Variants in NKAIN2 observed in about 807,000 individuals in gnomAD.
NKAIN2 encodes the protein sodium/potassium transporting ATPase interacting 2, also known as sodium/potassium-transporting ATPase subunit beta-1-interacting protein 2.
Under a neutral mutation model 32.6 loss-of-function variants are expected in NKAIN2, and 14 were observed. The ratio of observed to expected loss-of-function variants is 0.43; its 90% CI spans 0.28 to 0.67. NKAIN2 has a LOEUF of 0.67. Ranked by LOEUF, NKAIN2 falls within the 30% of genes least tolerant of loss-of-function variation. NKAIN2 has a pLI of 0.17. For missense variants in NKAIN2, 198 were observed against 258.3 expected (o/e 0.77, Z 1.60); for synonymous variants, 80 against 87.2 (o/e 0.92, Z 0.46).
At chr6:124,716,563 C>CTTAGTTATA (rs1775766250) in intron 4 of NKAIN2, among the ~76,000 whole-genome samples, 1 of 152,162 alleles carries the variant, frequency 6.6e-6, no homozygotes, top group Non-Finnish European at 1.5e-5. Flanking sequence ...CCTACAGTGG[C>CTTAGTTATA]TCCTAATATC....
At chr6:124,137,978 C>G (rs187855284) in intron 1 of NKAIN2, among the ~76,000 whole-genome samples, 34 of 152,082 alleles carry the variant, frequency 2.2e-4, no homozygotes, top group Middle Eastern at 3.4e-3. Context: ...ACCCAGAGCC[C>G]AAAAGCAAAT....
At chr6:124,795,023 A>G (rs77425561) in intron 5 of NKAIN2, 5,990 of 158,462 alleles carry the variant, frequency 0.038, 148 homozygotes, top group Middle Eastern at 0.087. Flanking sequence ...GTACATGTAA[A>G]CACTGAGAGG....
intron 1 of NKAIN2, among the ~76,000 whole-genome samples, chr6:124,234,178 T>C (rs1792616037): frequency 6.6e-6 from 1 of 152,196 alleles, no homozygotes; most frequent in Non-Finnish European, 1.5e-5. Flanking sequence ...ACCATTTTTG[T>C]CTCTAAAGCA....
At chr6:124,185,633 C>G (rs1789678861) in intron 1 of NKAIN2, among the ~76,000 whole-genome samples, 1 of 152,162 alleles carries the variant, frequency 6.6e-6, no homozygotes, top group African/African-American at 2.4e-5. Flanking sequence ...TAGAAGTCCT[C>G]TCCCTTCAAA....
At chr6:124,002,057 A>G (rs1779898618) in intron 1 of NKAIN2, among the ~76,000 whole-genome samples, 1 of 152,026 alleles carries the variant, frequency 6.6e-6, no homozygotes, top group Non-Finnish European at 1.5e-5. Flanking sequence ...CATATGCTGA[A>G]GCAAATTCTA....
intron 4 of NKAIN2, among the ~76,000 whole-genome samples, chr6:124,738,588 G>A (rs951889317): frequency 3.3e-5 from 5 of 151,792 alleles, no homozygotes; most frequent in Non-Finnish European, 5.9e-5. Flanking sequence ...CATAGACCAT[G>A]TGACTATTGC....
At chr6:124,659,561 C>T (rs2114431780) in intron 4 of NKAIN2, among the ~76,000 whole-genome samples, 1 of 152,162 alleles carries the variant, frequency 6.6e-6, no homozygotes, top group Middle Eastern at 3.4e-3. Flanking sequence ...TTAGTAAACA[C>T]TTCCAAATTC....
chr6:123,979,138 T>C (rs116635742), intron 1 of NKAIN2, among the ~76,000 whole-genome samples: 2,322 of 150,950 alleles, frequency 0.015, 46 homozygotes, highest in African/African-American at 0.053. Context: ...TCTTTTTTTG[T>C]TTTCCAAGAC....
chr6:124,762,617 T>C (rs542952603), intron 4 of NKAIN2, among the ~76,000 whole-genome samples: 1 of 152,324 alleles, frequency 6.6e-6, no homozygotes, highest in African/African-American at 2.4e-5. Flanking sequence ...TTGATTGTTA[T>C]TTTGTTTTTG....
At chr6:124,577,328 G>A (rs1781369121) in intron 3 of NKAIN2, among the ~76,000 whole-genome samples, 1 of 152,126 alleles carries the variant, frequency 6.6e-6, no homozygotes, top group Non-Finnish European at 1.5e-5. Flanking sequence ...GTCTTGAATT[G>A]CTGTCACCAC....
intron 5 of NKAIN2, among the ~76,000 whole-genome samples, chr6:124,813,768 T>G (rs1244964287): frequency 6.6e-6 from 1 of 152,178 alleles, no homozygotes; most frequent in Admixed American, 6.6e-5. Context: ...TATTTTGTAA[T>G]TTGGGGAATT....
At chr6:123,955,640 T>A (rs996075182) in intron 1 of NKAIN2, among the ~76,000 whole-genome samples, 1 of 63,818 alleles carries the variant, frequency 1.6e-5, no homozygotes, top group Non-Finnish European at 3.1e-5. Context: ...ATTTTATTTT[T>A]TGAGACAGGG....
At chr6:124,414,729 G>A (rs75599787) in intron 3 of NKAIN2, among the ~76,000 whole-genome samples, 1 of 152,108 alleles carries the variant, frequency 6.6e-6, no homozygotes, top group Non-Finnish European at 1.5e-5. Flanking sequence ...AGTTTTGATA[G>A]TTTGTATCTT....
chr6:124,693,621 G>A lies in NKAIN2; in HGVS notation c.474+35235G>A, dbSNP rs76549458. Among the ~76,000 whole-genome samples, 590 of 152,288 alleles carry A rather than the reference G, an allele frequency of 3.9e-3. 3 individuals are homozygous for A. Among genetic ancestry groups the A allele is most frequent in the African/African-American group, 0.014 (563 of 41,554 alleles). ...TGAGAGAAGGCAAGGTGAAGGTGAG[G>A]TACTTCTGTCTGAGCCTTGAAGGCT... On this transcript the variant is annotated intron_variant, in intron 4 of 6. Coordinates refer to ENST00000368417, the MANE Select transcript of NKAIN2 (RefSeq NM_001040214.3).
chr6:124,701,153 G>GCACACGCA lies in NKAIN2; in HGVS notation c.474+42772_474+42773insGCACACAC, dbSNP rs1554253914. 5.3e-5 allele frequency among the ~76,000 whole-genome samples: 7 copies of GCACACGCA among 132,114 alleles called. No individual in the cohort carries two copies. In the East Asian group the frequency reaches 1.5e-3, roughly 28 times the overall value. The allele number at this position is 132,114 out of a possible 152,430, so 86.7% of individuals were successfully genotyped here. The stretch of plus-strand genomic sequence containing the variant: ...AGGAGAGAGATACACACACACACAC[G>GCACACGCA]CACACACACACACACACACACACAC... On this transcript the variant is annotated intron_variant, in intron 4 of 6. Transcript: ENST00000368417.
At chr6:124,699,601 A>T (rs534860007) in intron 4 of NKAIN2, among the ~76,000 whole-genome samples, 3 of 152,104 alleles carry the variant, frequency 2.0e-5, no homozygotes, top group African/African-American at 4.8e-5. Context: ...CTGGTTTTTT[A>T]AAAGTGTGGA....
At chr6:124,606,094 C>G (rs1562280673) in intron 3 of NKAIN2, among the ~76,000 whole-genome samples, 2 of 152,010 alleles carry the variant, frequency 1.3e-5, no homozygotes, top group South Asian at 2.1e-4. Context: ...CATTTTTTGT[C>G]ACTTACACTT....
In NKAIN2 at chr6:123,869,195, G is replaced by A. The variant is rs532105577; in HGVS notation, c.54+64941G>A. On this transcript the variant is annotated intron_variant, in intron 1 of 6. Coordinates refer to ENST00000368417, the MANE Select transcript of NKAIN2 (RefSeq NM_001040214.3). ...GTAGCTTTATTTGTCATTAAACTCA[G>A]TTACTCCATAAAATAGGCCCACACT... Among the ~76,000 whole-genome samples, 20 of 152,288 alleles carry A rather than the reference G, an allele frequency of 1.3e-4. 1 individual carries two copies. Among genetic ancestry groups the A allele is most frequent in the African/African-American group, 4.6e-4 (19 of 41,566 alleles).
chr6:124,249,750 C>G (rs1242453697), intron 1 of NKAIN2, among the ~76,000 whole-genome samples: 2 of 151,968 alleles, frequency 1.3e-5, no homozygotes, highest in Non-Finnish European at 2.9e-5. Context: ...CTCTTGTGTC[C>G]TGGAGTTTCT....
Sources: gnomAD v4.1 joint callset for allele counts (sites outside exome capture counted in the v4.1 genomes callset) on GRCh38, gnomAD v4.1.1 for gene constraint, MANE v1.5 for transcripts, NCBI Gene and HGNC (gene_info 2026-07-23, HGNC 2026-07-21) for gene names.